SEMA3A: variants seen among roughly 807,000 people sequenced by gnomAD.
SEMA3A encodes the protein semaphorin-3A.
Under a neutral mutation model 97.9 loss-of-function variants are expected in SEMA3A, and 29 were observed. The ratio of observed to expected loss-of-function variants is 0.30; its 90% CI spans 0.22 to 0.40. The LOEUF is 0.40. SEMA3A is among the 10% of genes least tolerant of loss of function. The pLI, the probability that SEMA3A is intolerant of heterozygous loss-of-function variation, is 1.00. For synonymous variants in SEMA3A, 321 were observed against 323.7 expected (o/e 0.99, Z 0.09); for missense variants, 763 against 951.3 (o/e 0.80, Z 2.60).
Position 84,358,661 on chromosome 7 carries a change from C to T in SEMA3A, c.-169+13163G>A, listed in dbSNP as rs1483836340. The stretch of plus-strand genomic sequence containing the variant: ...ATATGAACTTTAAAGTAGTTTTTTC[C>T]AATTCTCTGAAGGAAGTCATTTGTA... On this transcript the variant is annotated intron_variant, in intron 2 of 3. Transcript: ENST00000424555. Among the ~76,000 whole-genome samples the T allele has an allele frequency of 2.9e-4, 44 of 152,054 alleles. 1 individual carries two copies. Among genetic ancestry groups the T allele is most frequent in the Non-Finnish European group, 8.8e-5 (6 of 67,998 alleles).
Position 83,963,255 on chromosome 7 carries a change from C to G in SEMA3A, c.1810G>C (p.Ala604Pro), listed in dbSNP as rs748731178. Residue 604 changes from alanine to proline, a missense_variant, in exon 16 of 17, where the codon GCG (alanine) becomes CCG (proline). Transcript: ENST00000265362. ...CTCTGGAATTGCCAATAGACCAGCG[C>G]TCTCTGCGACTTCGGACTGCATTCC... Reference protein sequence around the residue: ...FLECSPKSQRALVYWQFQRRN... With the variant: ...FLECSPKSQRPLVYWQFQRRN... 4 of 1,613,672 alleles carry G rather than the reference C, an allele frequency of 2.5e-6. No homozygotes were observed. The highest frequency in any genetic ancestry group is 3.4e-6 in the Non-Finnish European group (4 of 1,179,996).
intron 4 of SEMA3A, among the ~76,000 whole-genome samples, chr7:84,080,265 A>G (rs1241416166): frequency 3.3e-5 from 5 of 150,194 alleles, no homozygotes; most frequent in Admixed American, 6.6e-5. Flanking sequence ...TGATGAGTTA[A>G]TGGGTGCAGC....
At chr7:84,109,731 A>G (rs1418853173) in intron 4 of SEMA3A, among the ~76,000 whole-genome samples, 2 of 152,122 alleles carry the variant, frequency 1.3e-5, no homozygotes, top group Admixed American at 6.6e-5. Flanking sequence ...GTCACCAATG[A>G]TTTTCTCACC....
intron 1 of SEMA3A, among the ~76,000 whole-genome samples, chr7:84,394,399 T>C (rs976118622): frequency 3.3e-5 from 5 of 152,132 alleles, no homozygotes; most frequent in Admixed American, 1.3e-4. Flanking sequence ...GAGATTTTTA[T>C]GTAGAATCAA....
At chr7:84,132,923 C>T (rs182562436) in intron 2 of SEMA3A, among the ~76,000 whole-genome samples, 6 of 152,128 alleles carry the variant, frequency 3.9e-5, no homozygotes, top group African/African-American at 9.6e-5. Context: ...GATCCACCCG[C>T]CTTGGCCTCC....
At chr7:84,433,106 T>C (rs1315288588) in intron 1 of SEMA3A, among the ~76,000 whole-genome samples, 1 of 151,932 alleles carries the variant, frequency 6.6e-6, no homozygotes, top group African/African-American at 2.4e-5. Context: ...CTTTAAGTTC[T>C]GGGGTAAATG....
At chr7:84,161,204 T>C (rs960292494) in intron 1 of SEMA3A, among the ~76,000 whole-genome samples, 4 of 151,642 alleles carry the variant, frequency 2.6e-5, no homozygotes, top group Admixed American at 6.6e-5. Flanking sequence ...TCTCTACTAA[T>C]AATGCAAAAA....
chr7:84,456,235 A>C (rs570087156), intron 1 of SEMA3A, among the ~76,000 whole-genome samples: 19 of 152,070 alleles, frequency 1.2e-4, no homozygotes, highest in Middle Eastern at 3.4e-3. Context: ...TATAAAAATA[A>C]ATTAGATATT....
In SEMA3A at chr7:84,007,514, G is replaced by A; in HGVS notation, c.996-17C>T. ...AAAATGTTACTGAACAAGACAGCAA[G>A]AATAAAAACAGAAGTTCATCTTTAT... is the stretch of plus-strand genomic sequence containing the variant. On this transcript the variant is annotated splice_polypyrimidine_tract_variant and intron_variant, in intron 9 of 16. Transcript: ENST00000265362. 4.7e-6 allele frequency: 7 copies of A among 1,499,758 alleles called. No individual in the cohort carries two copies. The highest frequency in any genetic ancestry group is 1.4e-5 in the African/African-American group (1 of 70,994). 92.9% of individuals were successfully genotyped at this position (1,499,758 alleles called of 1,614,324 possible).
chr7:84,020,147 G>C (rs780721298), intron 6 of SEMA3A, among the ~76,000 whole-genome samples: 2 of 139,082 alleles, frequency 1.4e-5, no homozygotes, highest in Non-Finnish European at 3.0e-5. Flanking sequence ...CCGGGTTCAA[G>C]TGATTTTCCT....
In SEMA3A at chr7:84,456,196, T is replaced by TA. The variant is rs1281788783; in HGVS notation, c.-246+36263dup. 2.0e-5 allele frequency among the ~76,000 whole-genome samples: 3 copies of TA among 151,960 alleles called. No homozygotes were observed. In the East Asian group the frequency reaches 5.8e-4, roughly 29 times the overall value. The stretch of plus-strand genomic sequence containing the variant: ...AAAAAAAGAAAATATCCTCCTTTTT[T>TA]AAATCCTCTGTGCTTATAAAGAAAT... On this transcript the variant is annotated intron_variant, in intron 1 of 3. Transcript: ENST00000424555.
chr7:84,464,997 CAG>C (rs1462076454), intron 1 of SEMA3A, among the ~76,000 whole-genome samples: 12 of 151,994 alleles, frequency 7.9e-5, no homozygotes, highest in Admixed American at 7.9e-4. Flanking sequence ...CATAAAGACC[CAG>C]AGAGTGTCAC....
chr7:84,092,310 G>A (rs1794627886), intron 4 of SEMA3A, among the ~76,000 whole-genome samples: 1 of 152,080 alleles, frequency 6.6e-6, no homozygotes, highest in Admixed American at 6.6e-5. Context: ...TAGTTTTCTT[G>A]TAGTGCCACT....
chr7:84,146,903 T>C (rs1367166497), intron 1 of SEMA3A, among the ~76,000 whole-genome samples: 2 of 152,192 alleles, frequency 1.3e-5, no homozygotes, highest in Non-Finnish European at 2.9e-5. Context: ...GCTCATTAAA[T>C]ACCTATGAGC....
chr7:83,993,412 G>A (rs1233149030), intron 12 of SEMA3A, among the ~76,000 whole-genome samples: 3 of 151,814 alleles, frequency 2.0e-5, no homozygotes, highest in African/African-American at 7.3e-5. Context: ...TCCTAGTCTT[G>A]ATGGTGTTTA....
chr7:84,135,195 C>A (rs1796089416), intron 1 of SEMA3A, among the ~76,000 whole-genome samples: 1 of 150,732 alleles, frequency 6.6e-6, no homozygotes, highest in South Asian at 2.1e-4. Flanking sequence ...CGGTTCACCA[C>A]AACCTCCCGA....
intron 3 of SEMA3A, among the ~76,000 whole-genome samples, chr7:84,111,291 G>A (rs1795270611): frequency 1.3e-5 from 2 of 152,142 alleles, no homozygotes; most frequent in African/African-American, 4.8e-5. Context: ...ACAGGACTGG[G>A]TTGTTCCTGG....
chr7:84,163,278 G>A (rs995289167), intron 1 of SEMA3A, among the ~76,000 whole-genome samples: 9 of 152,044 alleles, frequency 5.9e-5, no homozygotes, highest in East Asian at 1.9e-4. Flanking sequence ...CATTTTAAGC[G>A]ATATATATGT....
At position 84,105,968 on chromosome 7, in the gene SEMA3A, C is replaced by A. The variant is rs368717686; in HGVS notation, c.453+4502G>T. ...CAGTGTCAAGTGTTATTGGAAGATA[C>A]CCAAGAATTGATTGACACATATCTT... On this transcript the variant is annotated intron_variant, in intron 4 of 16. Coordinates refer to ENST00000265362, the MANE Select transcript of SEMA3A (RefSeq NM_006080.3). 7.2e-5 allele frequency among the ~76,000 whole-genome samples: 11 copies of A among 152,210 alleles called. No individual in the cohort carries two copies. The East Asian group carries it at 2.1e-3, about 29-fold the overall frequency.
Sources: gnomAD v4.1 joint callset for allele counts (sites outside exome capture counted in the v4.1 genomes callset) on GRCh38, gnomAD v4.1.1 for gene constraint, MANE v1.5 for transcripts, NCBI Gene and HGNC (gene_info 2026-07-23, HGNC 2026-07-21) for gene names.